Variants in DHDH observed in about 807,000 individuals in gnomAD.
DHDH encodes trans-1,2-dihydrobenzene-1,2-diol dehydrogenase.
In DHDH, 29 loss-of-function variants were observed where a neutral mutation model predicts 33.2. The ratio of observed to expected loss-of-function variants is 0.87; its 90% CI spans 0.65 to 1.19. The LOEUF (loss-of-function observed/expected upper bound fraction) is 1.19, where lower values mean the gene tolerates loss of function less well. DHDH is among the 50% of genes most tolerant of loss of function. DHDH has a pLI of 0.00. For synonymous variants in DHDH, 201 were observed against 187.9 expected, an observed-to-expected ratio of 1.07 and a Z score of -0.57; for missense variants, 431 against 455.0, an observed-to-expected ratio of 0.95 and a Z score of 0.48.
chr19:48,933,579 G>A (rs893378590), upstream of DHDH: 4 of 719,056 alleles, frequency 5.6e-6, no homozygotes, highest in African/African-American at 1.8e-5. Flanking sequence ...CTAAATGACC[G>A]CTCTGCCGAC....
intron 3 of DHDH, 106 bp downstream of exon 3, chr19:48,936,301 A>G (rs1361393972): frequency 2.2e-6 from 3 of 1,381,682 alleles, no homozygotes; most frequent in Non-Finnish European, 2.9e-6. Context: ...ATGTATCTGA[A>G]TCTCCTTGGC....
intron 5 of DHDH, among the ~76,000 whole-genome samples, chr19:48,943,164 C>A (rs1378070719): frequency 6.6e-6 from 1 of 151,888 alleles, no homozygotes; most frequent in East Asian, 1.9e-4. Flanking sequence ...CACTTGAGCC[C>A]TGGAGGTCGA....
chr19:48,938,406 A>G (rs749237902), intron 3 of DHDH, among the ~76,000 whole-genome samples: 2 of 151,936 alleles, frequency 1.3e-5, no homozygotes, highest in Non-Finnish European at 2.9e-5. Context: ...CCCCAGTTCC[A>G]GGAGTTTTTT....
At chr19:48,943,770 G>A (rs1256701552) in intron 5 of DHDH, among the ~76,000 whole-genome samples, 2 of 150,640 alleles carry the variant, frequency 1.3e-5, no homozygotes, top group Non-Finnish European at 2.9e-5. Context: ...AGGTTGCAGT[G>A]ACCCGAGATC....
Position 48,933,704 on chromosome 19 carries a change from G to C in DHDH, c.-18G>C, listed in dbSNP as rs745757028. ...CGCCTGGAGGGACCGAAGGTGCCGA[G>C]GGCTCCGCATCGCAACCATGGCGCT... On this transcript the variant is annotated 5_prime_UTR_variant, in exon 1 of 7. Transcript: ENST00000221403. 1 of 1,612,764 alleles carries C rather than the reference G, an allele frequency of 6.2e-7. No homozygotes were observed. Among genetic ancestry groups the C allele is most frequent in the East Asian group, 2.2e-5 (1 of 44,862 alleles).
chr19:48,933,739 C>T lies in DHDH; in HGVS notation c.18C>T (p.Gly6=), dbSNP rs971255064. The change falls in exon 1 of 7, where the codon GGC becomes GGT. Residue 6 remains glycine, a synonymous_variant. Transcript: ENST00000221403. Reference sequence around the variant, plus strand: ...TCGCAACCATGGCGCTGCGCTGGGGCATCGTGTCTGTCGGCCTCATCTCCA... The same window carrying T: ...TCGCAACCATGGCGCTGCGCTGGGGTATCGTGTCTGTCGGCCTCATCTCCA... MALRW[G]IVSVGLISSD... 2 of 1,613,448 alleles carry T rather than the reference C, an allele frequency of 1.2e-6. No homozygotes were observed. Among genetic ancestry groups the T allele is most frequent in the East Asian group, 4.5e-5 (2 of 44,880 alleles).
chr19:48,944,733 T>C, intron 6 of DHDH, 91 bp from the exon 7 acceptor site: 1 of 1,291,532 alleles, frequency 7.7e-7, no homozygotes, highest in South Asian at 1.2e-5. Context: ...CTGAACCATG[T>C]ATATTGTGCC....
At chr19:48,933,364 A>G (rs958180711), upstream of DHDH, among the ~76,000 whole-genome samples, 2 of 152,206 alleles carry the variant, frequency 1.3e-5, no homozygotes, top group Non-Finnish European at 2.9e-5. Context: ...GTTTTGCCAC[A>G]AAGTCCAGAG....
intron 4 of DHDH, among the ~76,000 whole-genome samples, chr19:48,940,897 G>T (rs2037849606): frequency 6.6e-6 from 1 of 151,828 alleles, no homozygotes; most frequent in South Asian, 2.1e-4. Flanking sequence ...GCCCAGGCAG[G>T]TCTCGAACTC....
At chr19:48,939,208 G>A (rs1272803523) in intron 3 of DHDH, among the ~76,000 whole-genome samples, 11 of 151,966 alleles carry the variant, frequency 7.2e-5, no homozygotes, top group African/African-American at 2.7e-4. Context: ...GGGAGGCTGA[G>A]GTGGGAGGAC....
chr19:48,938,339 C>T (rs967232803), intron 3 of DHDH, among the ~76,000 whole-genome samples: 3 of 152,054 alleles, frequency 2.0e-5, no homozygotes, highest in East Asian at 3.9e-4. Flanking sequence ...TCAGGTGATC[C>T]GCCCGCCTTG....
rs747212333 is a variant in DHDH at position 48,935,119 on chromosome 19, G to T, written c.202+8G>T. On this transcript the variant is annotated splice_region_variant and intron_variant, in intron 2 of 6. Transcript: ENST00000221403. ...CCAAGGACCCGAGCGTGGGTGAGTG[G>T]CGAGGGCGATGGGGGTGCTGGCCGC... 8 of 1,544,906 alleles carry T rather than the reference G, an allele frequency of 5.2e-6. No homozygotes were observed. Among genetic ancestry groups the T allele is most frequent in the Non-Finnish European group, 7.0e-6 (8 of 1,148,706 alleles).
In DHDH at chr19:48,933,758, A is replaced by G; in HGVS notation, c.37A>G (p.Ile13Val). 6.2e-7 allele frequency: 1 copy of G among 1,613,256 alleles called. No homozygotes were observed. The highest frequency in any genetic ancestry group is 8.5e-7 in the Non-Finnish European group (1 of 1,180,028). ...LRWGIVSVGL[I>V]SSDFTAVLQT... is the part of the protein sequence containing the mutation. ...CTGGGGCATCGTGTCTGTCGGCCTCATCTCCAGCGACTTCACAGCCGTGCT... is the reference window on the plus strand; with the variant it reads ...CTGGGGCATCGTGTCTGTCGGCCTCGTCTCCAGCGACTTCACAGCCGTGCT... The change falls in exon 1 of 7, where the codon ATC becomes GTC. Residue 13 changes from isoleucine to valine, a missense_variant. Transcript: ENST00000221403.
chr19:48,944,398 G>T lies in DHDH; in HGVS notation c.786G>T (p.Lys262Asn). The change falls in exon 6 of 7, where the codon AAG becomes AAT. Residue 262 changes from lysine (K) to asparagine (N), a missense_variant. Physicochemically the swap from Lys to Asn is moderately conservative, Grantham distance 94. Transcript: ENST00000221403. ...PCWCPTELVV[K>N]GEHKEFPLPP... ...GGTGCCCGACCGAGCTGGTGGTGAA[G>T]GGGGAGCATAAGGAGTTCCCGCTGC... The T allele has an allele frequency of 6.2e-7, 1 of 1,614,160 alleles. No individual in the cohort carries two copies. The highest frequency in any genetic ancestry group is 8.5e-7 in the Non-Finnish European group (1 of 1,180,010).
upstream of DHDH, chr19:48,933,543 G>A (rs562725066): frequency 6.5e-6 from 4 of 618,452 alleles, no homozygotes; most frequent in Non-Finnish European, 1.2e-5. Context: ...GCTAAACGGT[G>A]CATTCGCCCA....
intron 3 of DHDH, among the ~76,000 whole-genome samples, chr19:48,937,823 A>G (rs1281256019): frequency 6.6e-6 from 1 of 151,208 alleles, no homozygotes; most frequent in Non-Finnish European, 1.5e-5. Context: ...AAAAAAAAAA[A>G]AAAAAAAAAA....
chr19:48,934,924 C>A, intron 1 of DHDH, 76 bp from the exon 2 acceptor site: 1 of 1,224,926 alleles, frequency 8.2e-7, no homozygotes, highest in Non-Finnish European at 1.1e-6. Context: ...TGGCCAGAGC[C>A]TCCTCCTTTG....
intron 4 of DHDH, among the ~76,000 whole-genome samples, chr19:48,941,402 G>A (rs1600088549): frequency 6.6e-6 from 1 of 151,850 alleles, no homozygotes; most frequent in African/African-American, 2.4e-5. Context: ...TTTTTTTTTA[G>A]ATAGTATCTC....
intron 4 of DHDH, among the ~76,000 whole-genome samples, chr19:48,940,828 C>A (rs1349141992): frequency 6.6e-6 from 1 of 152,126 alleles, no homozygotes; most frequent in Non-Finnish European, 1.5e-5. Flanking sequence ...TGCATTCCAG[C>A]CTGGGGAACA....
Sources: gnomAD v4.1 joint callset for allele counts (sites outside exome capture counted in the v4.1 genomes callset) on GRCh38, gnomAD v4.1.1 for gene constraint, MANE v1.5 for transcripts, NCBI Gene and HGNC (gene_info 2026-07-23, HGNC 2026-07-21) for gene names.